CFAP44: variants seen among roughly 807,000 people sequenced by gnomAD.
CFAP44 encodes the protein cilia and flagella associated protein 44.
CFAP44 carries 134 observed loss-of-function variants against 216.2 expected under a neutral mutation model. The observed-to-expected ratio is 0.62, with a 90% CI of 0.54 to 0.72. CFAP44 has a LOEUF of 0.72. CFAP44 is among the 30% of genes least tolerant of loss of function. CFAP44 has a pLI of 0.00. For synonymous variants in CFAP44, 700 were observed against 727.6 expected (o/e 0.96, Z 0.61); for missense variants, 2,035 against 2,182.1 (o/e 0.93, Z 1.34).
At chr3:113,326,354 A>G in intron 28 of CFAP44, 91 bp downstream of exon 28, 1 of 1,226,236 alleles carries the variant, frequency 8.2e-7, no homozygotes, top group Non-Finnish European at 1.1e-6. Context: ...TTATAGTGAA[A>G]AAAATAAGGT....
intron 26 of CFAP44, among the ~76,000 whole-genome samples, chr3:113,328,849 A>G (rs1950216792): frequency 6.6e-6 from 1 of 152,060 alleles, no homozygotes; most frequent in Non-Finnish European, 1.5e-5. Flanking sequence ...GGAGGACCAC[A>G]TAGGTCTCCA....
chr3:113,401,003 A>G (rs957340580), intron 11 of CFAP44, among the ~76,000 whole-genome samples: 43 of 152,296 alleles, frequency 2.8e-4, no homozygotes, highest in African/African-American at 9.9e-4. Flanking sequence ...ACTATAAAGT[A>G]CTATATAATG....
intron 26 of CFAP44, among the ~76,000 whole-genome samples, chr3:113,328,264 G>A (rs1390917200): frequency 6.7e-6 from 1 of 150,074 alleles, no homozygotes; most frequent in African/African-American, 2.4e-5. Flanking sequence ...TTTTTAAATA[G>A]ATAAAATAAT....
At chr3:113,343,059 C>CTTTTTTTTTTTTTTTT (rs397990837) in intron 23 of CFAP44, among the ~76,000 whole-genome samples, 4 of 106,770 alleles carry the variant, frequency 3.7e-5, no homozygotes, top group East Asian at 2.9e-4. Context: ...TTCTTTCTTT[C>CTTTTTTTTTTTTTTTT]TTTTTTTTTT....
rs1471902639 is a variant in CFAP44 at position 113,433,648 on chromosome 3, TC to T, written c.16del (p.Asp6IlefsTer20). The T allele has an allele frequency of 6.2e-7, 1 of 1,613,146 alleles. No individual in the cohort carries two copies. Among genetic ancestry groups the T allele is most frequent in the Non-Finnish European group, 8.5e-7 (1 of 1,179,790 alleles). On this transcript the variant is annotated frameshift_variant, in exon 2 of 35. Coordinates refer to ENST00000393845, the MANE Select transcript of CFAP44 (RefSeq NM_001164496.2). LOFTEE classifies it high-confidence loss of function. Reference sequence around the variant, plus strand: ...TGATTTCTCCCCATCAGTATCCTGATCATCTGGTTCCTTCATTTCCTCTGTA... The same window carrying T: ...TGATTTCTCCCCATCAGTATCCTGATATCTGGTTCCTTCATTTCCTCTGTA... MKEPD[D>X]QDTDGEKSVT...
In CFAP44 at chr3:113,313,312, C is replaced by G. The variant is rs9832743; in HGVS notation, c.4517-5044G>C. Among the ~76,000 whole-genome samples the G allele has an allele frequency of 4.2e-3, 645 of 152,148 alleles. 1 individual carries two copies. The highest frequency in any genetic ancestry group is 7.0e-3 in the Non-Finnish European group (474 of 68,004). ...TCTCTTTGTTTTGGTCAATTTATCC[C>G]ATTTGCAATGGCTTTACTTACCCAA... On this transcript the variant is annotated intron_variant, in intron 28 of 34. Transcript: ENST00000393845.
intron 5 of CFAP44, among the ~76,000 whole-genome samples, chr3:113,419,197 C>A (rs147056360): frequency 6.6e-6 from 1 of 152,180 alleles, no homozygotes; most frequent in Admixed American, 6.5e-5. Flanking sequence ...TCATAGGCTC[C>A]GACTGACTTC....
intron 6 of CFAP44, among the ~76,000 whole-genome samples, chr3:113,411,973 T>C (rs866127106): frequency 1.2e-4 from 18 of 151,974 alleles, no homozygotes; most frequent in African/African-American, 4.3e-4. Flanking sequence ...GCTTGTGATT[T>C]TTGCACACTG....
At chr3:113,426,041 G>A in intron 4 of CFAP44, 83 bp downstream of exon 4, 1 of 1,499,736 alleles carries the variant, frequency 6.7e-7, no homozygotes, top group South Asian at 1.3e-5. Flanking sequence ...AGGCACATTT[G>A]GGCTCCCTGG....
At chr3:113,381,604 C>A (rs1240776180) in intron 15 of CFAP44, among the ~76,000 whole-genome samples, 3 of 152,216 alleles carry the variant, frequency 2.0e-5, no homozygotes, top group Admixed American at 2.0e-4. Context: ...CACTTACATG[C>A]AATTAAATTT....
At chr3:113,408,603 G>T (rs113092104) in intron 7 of CFAP44, among the ~76,000 whole-genome samples, 1,617 of 152,248 alleles carry the variant, frequency 0.011, 24 homozygotes, top group African/African-American at 0.037. Context: ...AGTGGCTTAC[G>T]CCTGCAATCC....
At chr3:113,439,912 T>C (rs941835459) in intron 1 of CFAP44, among the ~76,000 whole-genome samples, 11 of 152,230 alleles carry the variant, frequency 7.2e-5, no homozygotes, top group Non-Finnish European at 1.2e-4. Context: ...CGGTTTTTAC[T>C]TTGCAATGTG....
intron 1 of CFAP44, among the ~76,000 whole-genome samples, chr3:113,435,536 T>A (rs1043966627): frequency 1.3e-5 from 2 of 151,808 alleles, no homozygotes; most frequent in African/African-American, 2.4e-5. Flanking sequence ...ACGATGGGAT[T>A]TGGGTGGGGA....
chr3:113,330,601 A>G lies in CFAP44; in HGVS notation c.3683T>C (p.Val1228Ala), dbSNP rs1228722584. 1 of 1,537,076 alleles carries G rather than the reference A, an allele frequency of 6.5e-7. No homozygotes were observed. The highest frequency in any genetic ancestry group is 2.4e-5 in the East Asian group (1 of 40,930). ...TTGTACCAGGCACTGTATTTCCTCA[A>G]CAACAGCCACTTTAAGGTCTCTAAG... ...LSLRDLKVAVVEEIQCLVQEL... is the reference protein window; with the variant it reads ...LSLRDLKVAVAEEIQCLVQEL... Residue 1228 changes from valine (V) to alanine (A), a missense_variant, in exon 26 of 35, where the codon GTT (valine) becomes GCT (alanine). Transcript: ENST00000393845.
In CFAP44 at chr3:113,305,048, G is replaced by C. The variant is rs1949972021; in HGVS notation, c.4863C>G (p.Leu1621=). ...CCAGACGCATCACCTGGTGGAGCTT[G>C]AGCGGAATCACAACTAGCAGTTCAT... ...RLNELLVVIP[L]KLHQIEYVVF... is the part of the protein sequence containing the mutation. Residue 1621 remains leucine, a synonymous_variant, in exon 31 of 35, where the codon CTC becomes CTG. Coordinates refer to ENST00000393845, the MANE Select transcript of CFAP44 (RefSeq NM_001164496.2). 6 of 1,537,222 alleles carry C rather than the reference G, an allele frequency of 3.9e-6. No individual in the cohort carries two copies. The highest frequency in any genetic ancestry group is 5.2e-6 in the Non-Finnish European group (6 of 1,146,898).
In CFAP44 at chr3:113,363,290, C is replaced by T. The variant is rs750110286; in HGVS notation, c.2789G>A (p.Arg930Lys). The change falls in exon 21 of 35, where the codon AGA becomes AAA. Residue 930 changes from arginine (R) to lysine (K), a missense_variant. Arg to Lys is a conservative substitution (Grantham distance 26, BLOSUM62 2). Transcript: ENST00000393845. ...CATTAACTTGTCATGTTCTCTTTTT[C>T]TCCTAGCATTCTCGATACTGAAAAC... ...PKAYSIENAR[R>K]KREHDKLMKE... The T allele has an allele frequency of 6.2e-7, 1 of 1,607,980 alleles. No individual in the cohort carries two copies. The highest frequency in any genetic ancestry group is 1.3e-5 in the African/African-American group (1 of 74,538).
intron 34 of CFAP44, 161 bp downstream of exon 34, chr3:113,294,526 G>T: frequency 1.1e-6 from 1 of 897,936 alleles, no homozygotes; most frequent in Non-Finnish European, 1.6e-6. Context: ...ACTGTAATGT[G>T]GCTAACACCA....
At chr3:113,438,122 G>T (rs930341848) in intron 1 of CFAP44, among the ~76,000 whole-genome samples, 1 of 152,182 alleles carries the variant, frequency 6.6e-6, no homozygotes, top group Non-Finnish European at 1.5e-5. Context: ...GAACTGGTTA[G>T]GAATCATGAG....
At chr3:113,420,914 T>C (rs1160015929) in intron 4 of CFAP44, among the ~76,000 whole-genome samples, 1 of 152,130 alleles carries the variant, frequency 6.6e-6, no homozygotes, top group African/African-American at 2.4e-5. Flanking sequence ...TATTGGTGTG[T>C]AGGTAACTAG....
Sources: gnomAD v4.1 joint callset for allele counts (sites outside exome capture counted in the v4.1 genomes callset) on GRCh38, gnomAD v4.1.1 for gene constraint, MANE v1.5 for transcripts, NCBI Gene and HGNC (gene_info 2026-07-23, HGNC 2026-07-21) for gene names.